Variants in EIF3CL observed in about 807,000 individuals in gnomAD.
EIF3CL encodes eukaryotic translation initiation factor 3 subunit C like.
For synonymous variants in EIF3CL, 2 were observed against 19.6 expected (o/e 0.10, Z 2.37); for missense variants, 5 against 56.1 (o/e 0.09, Z 2.91).
chr16:28,416,616 C>G, the EIF3CL span, among the ~76,000 whole-genome samples: 6 of 62,562 alleles, frequency 9.6e-5, no homozygotes, highest in Non-Finnish European at 1.4e-4. Flanking sequence ...CTGGCAACCA[C>G]CCCGTCTGAG....
chr16:28,415,791 GCCCTCT>G, the EIF3CL span, among the ~76,000 whole-genome samples: 26 of 122,704 alleles, frequency 2.1e-4, no homozygotes, highest in Middle Eastern at 3.6e-3. Flanking sequence ...CTATTTTCAT[GCCCTCT>G]CCCTCTCCCT....
At chr16:28,419,156 G>A in the EIF3CL span, among the ~76,000 whole-genome samples, 10 of 149,458 alleles carry the variant, frequency 6.7e-5, no homozygotes, top group South Asian at 2.1e-4. Context: ...ACAGGTGCCC[G>A]CCATCACGCC....
upstream of EIF3CL, among the ~76,000 whole-genome samples, chr16:28,406,303 A>ATGTG (rs1224030352): frequency 4.6e-4 from 1 of 2,178 alleles, no homozygotes; most frequent in African/African-American, 5.8e-3. Context: ...AGATCAGGGT[A>ATGTG]TGTGTGTGTG....
chr16:28,418,732 G>C, the EIF3CL span, among the ~76,000 whole-genome samples: 82 of 151,424 alleles, frequency 5.4e-4, no homozygotes, highest in Non-Finnish European at 1.0e-3. Context: ...CAGGTTCAAG[G>C]GATTCTCCTG....
chr16:28,415,903 C>T, the EIF3CL span, among the ~76,000 whole-genome samples: 967 of 98,688 alleles, frequency 9.8e-3, 93 homozygotes, highest in Middle Eastern at 0.018. Flanking sequence ...CCCTCTCATG[C>T]GGAGCCGAAG....
chr16:28,422,920 C>A, the EIF3CL span, among the ~76,000 whole-genome samples: 1 of 124,730 alleles, frequency 8.0e-6, no homozygotes, highest in Non-Finnish European at 1.7e-5. Flanking sequence ...GTGGCTCATA[C>A]GTATAACCCC....
the EIF3CL span, among the ~76,000 whole-genome samples, chr16:28,422,735 G>A: frequency 7.1e-6 from 1 of 140,698 alleles, no homozygotes; most frequent in Non-Finnish European, 1.5e-5. Flanking sequence ...TACTTGGGAG[G>A]CTGAAGCAGG....
At chr16:28,386,681 A>C (rs1036401985) in intron 15 of EIF3CL, among the ~76,000 whole-genome samples, 1 of 42,526 alleles carries the variant, frequency 2.4e-5, no homozygotes, top group Non-Finnish European at 4.3e-5. Context: ...TGAACCTGGG[A>C]GATGGAGGTT....
At chr16:28,414,475 A>C in the EIF3CL span, 36 of 286,010 alleles carry the variant, frequency 1.3e-4, no homozygotes, top group Non-Finnish European at 2.7e-5. Context: ...CTACCTGGTC[A>C]TCTGGTGTGC....
the EIF3CL span, among the ~76,000 whole-genome samples, chr16:28,418,517 G>A: frequency 3.1e-4 from 41 of 132,864 alleles, no homozygotes; most frequent in African/African-American, 1.1e-3. Context: ...GCTGTCTAAA[G>A]ATACCACATG....
the EIF3CL span, among the ~76,000 whole-genome samples, chr16:28,419,153 C>T: frequency 6.7e-6 from 1 of 149,092 alleles, no homozygotes; most frequent in Non-Finnish European, 1.5e-5. Flanking sequence ...ACTACAGGTG[C>T]CCGCCATCAC....
the EIF3CL span, among the ~76,000 whole-genome samples, chr16:28,422,698 G>A: frequency 1.4e-5 from 2 of 144,736 alleles, no homozygotes; most frequent in Non-Finnish European, 3.0e-5. Flanking sequence ...TTAGCCAGGT[G>A]TGGTGGCGGG....
the EIF3CL span, among the ~76,000 whole-genome samples, chr16:28,421,835 T>G: frequency 7.1e-6 from 1 of 141,032 alleles, no homozygotes; most frequent in Non-Finnish European, 1.6e-5. Context: ...AAAAATCTAT[T>G]TGGATTGGAT....
upstream of EIF3CL, among the ~76,000 whole-genome samples, chr16:28,408,009 G>A (rs1195141630): frequency 4.6e-5 from 1 of 21,966 alleles, no homozygotes; most frequent in Non-Finnish European, 9.9e-5. Context: ...CTCGAGACCA[G>A]CCTAGTTGAC....
In EIF3CL at chr16:28,391,800, T is replaced by C. The variant is rs1456956426; in HGVS notation, c.995A>G (p.Lys332Arg). Residue 332 changes from lysine to arginine, a missense_variant, in exon 10 of 21, where the codon AAG (lysine) becomes AGG (arginine). Coordinates refer to ENST00000380876, the MANE Select transcript of EIF3CL (RefSeq NM_001317857.2). ...TGCCTGTAGGATCTCATTCAGTTTC[T>C]TGATAACAACAGCATGGGTGATCTC... is the stretch of plus-strand genomic sequence containing the variant. ...GTEITHAVVI[K>R]KLNEILQARG... 2.9e-6 allele frequency: 4 copies of C among 1,387,102 alleles called. 1 individual carries two copies. The South Asian group carries it at 3.7e-5, about 13-fold the overall frequency. The allele number at this position is 1,387,102 out of a possible 1,614,324, so 85.9% of individuals were successfully genotyped here. A position where few individuals can be genotyped will look rare whatever the true frequency, so the allele number is the denominator to read the frequency against.
chr16:28,415,367 C>T, the EIF3CL span, among the ~76,000 whole-genome samples: 1 of 111,404 alleles, frequency 9.0e-6, no homozygotes, highest in South Asian at 2.8e-4. Context: ...CTCAGGTCAC[C>T]GGGTTCTGTT....
the EIF3CL span, among the ~76,000 whole-genome samples, chr16:28,421,896 A>C: frequency 9.1e-6 from 1 of 109,946 alleles, no homozygotes; most frequent in South Asian, 3.0e-4. Context: ...TGGTTTAATC[A>C]CTTGAGATGT....
upstream of EIF3CL, among the ~76,000 whole-genome samples, chr16:28,408,226 A>G (rs1165046491): frequency 7.3e-6 from 1 of 136,954 alleles, no homozygotes; most frequent in African/African-American, 2.6e-5. Context: ...AAAAAAAAAA[A>G]AAAAAAAAAA....
the EIF3CL span, among the ~76,000 whole-genome samples, chr16:28,416,982 C>T: frequency 1.1e-5 from 1 of 88,390 alleles, no homozygotes; most frequent in African/African-American, 4.2e-5. Context: ...AGCCGCTCTG[C>T]CCGGCCAGCC....
Sources: allele counts gnomAD v4.1 joint callset (sites outside exome capture counted in the v4.1 genomes callset), GRCh38; gene constraint gnomAD v4.1.1; transcripts MANE v1.5; gene names NCBI Gene and HGNC (gene_info 2026-07-23, HGNC 2026-07-21).